Variants in GAN observed in about 807,000 individuals in gnomAD.
GAN encodes the protein gigaxonin.
A neutral mutation model predicts 71.3 loss-of-function variants in GAN; 48 were observed. The observed-to-expected ratio is 0.67, with a 90% CI of 0.53 to 0.86. The LOEUF (loss-of-function observed/expected upper bound fraction) is 0.86. GAN is among the 40% of genes least tolerant of loss of function. GAN has a pLI of 0.00. For missense variants in GAN, 928 were observed against 770.1 expected (o/e 1.21, Z -2.43); for synonymous variants, 386 against 276.8 (o/e 1.39, Z -3.92).
chr16:81,386,439 G>A lies in GAN; in HGVS notation c.*8843G>A, dbSNP rs962485562. ...TACGTGCATGTGTGTTTGTGCATGTGTCTGTGTGTGTGGAACTTTTGTACC... is the reference window on the plus strand; with the variant it reads ...TACGTGCATGTGTGTTTGTGCATGTATCTGTGTGTGTGGAACTTTTGTACC... On this transcript the variant is annotated 3_prime_UTR_variant, in exon 11 of 11. Transcript: ENST00000648994. 1.3e-5 allele frequency: 2 copies of A among 152,176 alleles called. No homozygotes were observed. Among genetic ancestry groups the A allele is most frequent in the African/African-American group, 4.8e-5 (2 of 41,448 alleles). The allele number at this position is 152,176 out of a possible 1,614,324, so 9.4% of individuals were successfully genotyped here. A position where few individuals can be genotyped will look rare whatever the true frequency, so the allele number is the denominator to read the frequency against.
At position 81,351,783 on chromosome 16, in the gene GAN, A is replaced by T. The variant is rs9928022; in HGVS notation, c.282+86A>T. The T allele has an allele frequency of 1.9e-4, 149 of 774,838 alleles. No homozygotes were observed. In the African/African-American group the frequency reaches 2.1e-3, roughly 11 times the overall value. The allele number at this position is 774,838 out of a possible 1,614,324, so 48.0% of individuals were successfully genotyped here. A position where few individuals can be genotyped will look rare whatever the true frequency, so the allele number is the denominator to read the frequency against. Reference sequence around the variant, plus strand: ...GTCTCCTTTCATCCATTATATGACAAAGTAGCACTGTCATCTTCATCTTCT... The same window carrying T: ...GTCTCCTTTCATCCATTATATGACATAGTAGCACTGTCATCTTCATCTTCT... On this transcript the variant is annotated intron_variant, in intron 2 of 10. Transcript: ENST00000648994.
At chr16:81,331,595 G>T (rs566865342) in intron 1 of GAN, among the ~76,000 whole-genome samples, 1 of 152,266 alleles carries the variant, frequency 6.6e-6, no homozygotes, top group African/African-American at 2.4e-5. Context: ...TCAAGGCAAA[G>T]TCCAAGTTTG....
chr16:81,315,170 G>C lies in GAN; in HGVS notation c.57G>C (p.Ala19=), dbSNP rs767263153. Residue 19 remains alanine (A), a synonymous_variant, in exon 1 of 11, where the codon GCG becomes GCC. Transcript: ENST00000648994. ...DPQHAARLLR[A]LSSFREESRF... ...AGCACGCCGCGCGTCTGCTGCGAGCGCTCAGCTCTTTCCGCGAGGAGTCTC... is the reference window on the plus strand; with the variant it reads ...AGCACGCCGCGCGTCTGCTGCGAGCCCTCAGCTCTTTCCGCGAGGAGTCTC... 6.4e-7 allele frequency: 1 copy of C among 1,563,000 alleles called. No individual in the cohort carries two copies. Among genetic ancestry groups the C allele is most frequent in the Non-Finnish European group, 8.6e-7 (1 of 1,157,092 alleles).
chr16:81,315,728 A>G (rs1014279480), intron 1 of GAN, among the ~76,000 whole-genome samples: 1 of 152,340 alleles, frequency 6.6e-6, no homozygotes, highest in East Asian at 1.9e-4. Context: ...GAAGTTCGCC[A>G]GTCGCTCGCC....
In GAN at chr16:81,354,453, C is replaced by G; in HGVS notation, c.331C>G (p.Leu111Val). The change falls in exon 3 of 11, where the codon CTG becomes GTG. Residue 111 changes from leucine (L) to valine (V), a missense_variant. Physicochemically the swap from Leu to Val is conservative, Grantham distance 32. Coordinates refer to ENST00000648994, the MANE Select transcript of GAN (RefSeq NM_022041.4). ...TIQDVVQAADLLLLTDLKTLC... is the reference protein window; with the variant it reads ...TIQDVVQAADVLLLTDLKTLC... The stretch of plus-strand genomic sequence containing the variant: ...CCAAGATGTTGTTCAGGCAGCTGAC[C>G]TGCTGCTACTGACGGACCTTAAAAC... 1 of 1,613,906 alleles carries G rather than the reference C, an allele frequency of 6.2e-7. No individual in the cohort carries two copies. Among genetic ancestry groups the G allele is most frequent in the South Asian group, 1.1e-5 (1 of 91,072 alleles).
chr16:81,352,514 A>G (rs182239313), intron 2 of GAN, among the ~76,000 whole-genome samples: 119 of 152,096 alleles, frequency 7.8e-4, no homozygotes, highest in Middle Eastern at 3.4e-3. Context: ...TTTCATCTTT[A>G]TTCTTTCTGA....
intron 1 of GAN, among the ~76,000 whole-genome samples, chr16:81,340,765 G>A (rs950845548): frequency 8.6e-5 from 13 of 151,830 alleles, no homozygotes; most frequent in African/African-American, 2.9e-4. Flanking sequence ...TTGCCAGCAA[G>A]GGAACAAAAC....
chr16:81,368,076 T>TC (rs1910919204), intron 9 of GAN, among the ~76,000 whole-genome samples: 1 of 152,240 alleles, frequency 6.6e-6, no homozygotes, highest in Non-Finnish European at 1.5e-5. Context: ...CTGTCTTTGT[T>TC]CCCTATTTTT....
Position 81,383,924 on chromosome 16 carries a change from T to C in GAN, c.*6328T>C, listed in dbSNP as rs1046665748. The C allele has an allele frequency of 9.2e-5, 14 of 152,180 alleles. No individual in the cohort carries two copies. Among genetic ancestry groups the C allele is most frequent in the African/African-American group, 3.1e-4 (13 of 41,442 alleles). 9.4% of individuals were successfully genotyped at this position (152,180 alleles called of 1,614,324 possible). On this transcript the variant is annotated 3_prime_UTR_variant, in exon 11 of 11. Transcript: ENST00000648994. ...ATTTATTAGGATCTTATTTTTAGCA[T>C]TTCATTACAAGTAATAGGTTTGGGT...
intron 1 of GAN, among the ~76,000 whole-genome samples, chr16:81,325,086 T>C (rs1263090191): frequency 2.6e-5 from 4 of 152,220 alleles, no homozygotes; most frequent in Admixed American, 1.3e-4. Flanking sequence ...AGGCATGCTG[T>C]TGGCTTCTTC....
At chr16:81,345,540 G>C (rs985360770) in intron 1 of GAN, among the ~76,000 whole-genome samples, 1 of 152,030 alleles carries the variant, frequency 6.6e-6, no homozygotes, top group Non-Finnish European at 1.5e-5. Context: ...AGTGGAAGTT[G>C]AACAATGAGA....
chr16:81,315,794 T>A (rs1481834843), intron 1 of GAN, among the ~76,000 whole-genome samples: 4 of 152,244 alleles, frequency 2.6e-5, no homozygotes, highest in Admixed American at 2.6e-4. Flanking sequence ...GGGAGCGCCC[T>A]GCCCGCTGGG....
At chr16:81,358,039 T>C (rs1910550119) in intron 5 of GAN, 108 bp downstream of exon 5, 1 of 968,796 alleles carries the variant, frequency 1.0e-6, no homozygotes, top group East Asian at 2.6e-5. Context: ...TTATTATCTC[T>C]ACATGACATT....
chr16:81,353,651 G>A (rs1199274054), intron 2 of GAN, among the ~76,000 whole-genome samples: 1 of 152,140 alleles, frequency 6.6e-6, no homozygotes, highest in Non-Finnish European at 1.5e-5. Context: ...CCATGCTTTG[G>A]GGTCGTCCAC....
chr16:81,358,974 T>C (rs1910581226), intron 5 of GAN, among the ~76,000 whole-genome samples: 1 of 152,224 alleles, frequency 6.6e-6, no homozygotes, highest in South Asian at 2.1e-4. Context: ...TTTTTAGAGA[T>C]GGGATCTTGC....
intron 1 of GAN, among the ~76,000 whole-genome samples, chr16:81,329,448 C>A (rs1335392707): frequency 1.3e-5 from 2 of 152,206 alleles, no homozygotes; most frequent in African/African-American, 2.4e-5. Flanking sequence ...TGCATAATTT[C>A]CCTGACCTTG....
intron 1 of GAN, among the ~76,000 whole-genome samples, chr16:81,338,801 AT>A (rs1404946409): frequency 6.6e-6 from 1 of 152,148 alleles, no homozygotes; most frequent in Non-Finnish European, 1.5e-5. Context: ...TTCCGGATAG[AT>A]TTGAGTGATG....
chr16:81,376,088 A>G (rs142409153), intron 9 of GAN, among the ~76,000 whole-genome samples: 170 of 152,300 alleles, frequency 1.1e-3, no homozygotes, highest in African/African-American at 4.1e-3. Context: ...TAAAAATATA[A>G]TACTCAGATC....
At chr16:81,324,398 G>A (rs917135170) in intron 1 of GAN, among the ~76,000 whole-genome samples, 4 of 152,282 alleles carry the variant, frequency 2.6e-5, no homozygotes, top group South Asian at 2.1e-4. Context: ...CTGCTCCGAG[G>A]TGGTGCCATT....
Sources: gnomAD v4.1 joint callset for allele counts (sites outside exome capture counted in the v4.1 genomes callset) on GRCh38, gnomAD v4.1.1 for gene constraint, MANE v1.5 for transcripts, NCBI Gene and HGNC (gene_info 2026-07-23, HGNC 2026-07-21) for gene names.